The following EXOC4 variants were observed in gnomAD, a reference collection of about 807,000 sequenced individuals.
The protein encoded by EXOC4 is SEC8-like 1.
Under a neutral mutation model 107.2 loss-of-function variants are expected in EXOC4, and 71 were observed. The ratio of observed to expected loss-of-function variants is 0.66; its 90% CI spans 0.55 to 0.81. EXOC4 has a LOEUF of 0.81. Ranked by LOEUF, EXOC4 falls within the 30% of genes least tolerant of loss-of-function variation. EXOC4 has a pLI of 0.00. For missense variants in EXOC4, 1,108 were observed against 1,189.6 expected, an observed-to-expected ratio of 0.93 and a Z score of 1.01; for synonymous variants, 456 against 441.2, an observed-to-expected ratio of 1.03 and a Z score of -0.42.
At chr7:133,291,960 T>C (rs1794416526) in intron 3 of EXOC4, among the ~76,000 whole-genome samples, 2 of 152,210 alleles carry the variant, frequency 1.3e-5, no homozygotes. Flanking sequence ...GTGTTATTTG[T>C]ACCTGCACCC....
At chr7:133,943,003 T>C (rs978721023) in intron 14 of EXOC4, among the ~76,000 whole-genome samples, 7 of 152,224 alleles carry the variant, frequency 4.6e-5, no homozygotes, top group Admixed American at 3.3e-4. Flanking sequence ...CATTGCCCTA[T>C]ATATTAGCCA....
chr7:133,690,034 C>G (rs566081401), intron 10 of EXOC4, among the ~76,000 whole-genome samples: 19 of 152,224 alleles, frequency 1.2e-4, no homozygotes, highest in Admixed American at 3.9e-4. Context: ...AGTTAAAGCA[C>G]AGGGAACTTC....
intron 14 of EXOC4, among the ~76,000 whole-genome samples, chr7:133,942,636 G>A (rs765608279): frequency 1.3e-5 from 2 of 152,134 alleles, no homozygotes; most frequent in Non-Finnish European, 2.9e-5. Flanking sequence ...GATGGAGCAG[G>A]TCTTCAGAAT....
intron 9 of EXOC4, among the ~76,000 whole-genome samples, chr7:133,572,835 G>A (rs1005961806): frequency 6.6e-6 from 1 of 152,088 alleles, no homozygotes; most frequent in Non-Finnish European, 1.5e-5. Flanking sequence ...GATTTAAAAA[G>A]GCTTATGACC....
chr7:133,466,222 A>C (rs1798723863), intron 7 of EXOC4, among the ~76,000 whole-genome samples: 1 of 152,158 alleles, frequency 6.6e-6, no homozygotes, highest in African/African-American at 2.4e-5. Context: ...ATGAAATAAA[A>C]ATCAGGATAA....
intron 6 of EXOC4, 84 bp downstream of exon 6, chr7:133,356,657 TTGA>T: frequency 6.8e-7 from 1 of 1,474,892 alleles, no homozygotes; most frequent in Non-Finnish European, 9.3e-7. Context: ...TTACCTTCTG[TTGA>T]TGTTGTTTTC....
intron 11 of EXOC4, among the ~76,000 whole-genome samples, chr7:133,881,035 T>A (rs1268082379): frequency 6.6e-6 from 1 of 152,204 alleles, no homozygotes; most frequent in African/African-American, 2.4e-5. Context: ...TATATTCATC[T>A]TTTCTGAACA....
intron 12 of EXOC4, among the ~76,000 whole-genome samples, chr7:133,899,839 G>A (rs530329262): frequency 3.3e-4 from 49 of 149,102 alleles, no homozygotes; most frequent in Non-Finnish European, 6.1e-4. Context: ...TCTGCCTCCC[G>A]GGTTCAAGTG....
chr7:133,945,924 C>A (rs1225958708), intron 14 of EXOC4, among the ~76,000 whole-genome samples: 1 of 152,178 alleles, frequency 6.6e-6, no homozygotes. Flanking sequence ...TACCCAAGAT[C>A]TCTTGGGAAT....
intron 9 of EXOC4, among the ~76,000 whole-genome samples, chr7:133,581,318 T>A (rs1420605128): frequency 6.6e-6 from 1 of 152,266 alleles, no homozygotes; most frequent in East Asian, 1.9e-4. Context: ...TTATTTTAGG[T>A]CGCGGGTACA....
At chr7:133,331,109 T>C (rs1031617745) in intron 5 of EXOC4, among the ~76,000 whole-genome samples, 2 of 152,122 alleles carry the variant, frequency 1.3e-5, no homozygotes, top group South Asian at 4.1e-4. Flanking sequence ...CATTTACTTA[T>C]AAAATGCAAA....
At chr7:133,971,361 T>TATATATATATAGAGAGAG (rs1489958236) in intron 14 of EXOC4, among the ~76,000 whole-genome samples, 3 of 75,076 alleles carry the variant, frequency 4.0e-5, no homozygotes, top group Admixed American at 1.6e-4. Context: ...TATATATATA[T>TATATATATATAGAGAGAG]AGAGAGAGAG....
chr7:133,838,005 C>G (rs1797952235), intron 11 of EXOC4, among the ~76,000 whole-genome samples: 1 of 152,108 alleles, frequency 6.6e-6, no homozygotes, highest in South Asian at 2.1e-4. Flanking sequence ...AAATGGAACA[C>G]AAATAACACA....
intron 14 of EXOC4, among the ~76,000 whole-genome samples, chr7:133,982,389 A>G (rs1483379193): frequency 6.6e-6 from 1 of 152,136 alleles, no homozygotes; most frequent in East Asian, 1.9e-4. Flanking sequence ...CGTCTCTACT[A>G]AAAATACAAA....
intron 5 of EXOC4, among the ~76,000 whole-genome samples, chr7:133,321,465 T>G (rs1312060779): frequency 6.6e-6 from 1 of 152,202 alleles, no homozygotes; most frequent in Non-Finnish European, 1.5e-5. Flanking sequence ...GTTCCTCTCC[T>G]GTGTCCATAT....
Position 133,971,353 on chromosome 7 carries a change from TATATATATAGAGAGAGAG to T in EXOC4, c.2207-26137_2207-26120del, listed in dbSNP as rs1384203284. 1.9e-3 allele frequency among the ~76,000 whole-genome samples: 194 copies of T among 102,298 alleles called. 3 individuals are homozygous for T. The highest frequency in any genetic ancestry group is 7.8e-3 in the African/African-American group (186 of 23,832). 67.1% of individuals were successfully genotyped at this position (102,298 alleles called of 152,430 possible). On this transcript the variant is annotated intron_variant, in intron 14 of 17. Transcript: ENST00000253861. ...AAATGTGTATATATATATATATATA[TATATATATAGAGAGAGAG>T]AGAGAGAGAGAGAGAGAGAGAGAGA...
At chr7:133,916,148 A>G (rs989222091) in intron 12 of EXOC4, among the ~76,000 whole-genome samples, 29 of 152,258 alleles carry the variant, frequency 1.9e-4, no homozygotes, top group African/African-American at 7.0e-4. Flanking sequence ...ATAAGACATT[A>G]GTTAGTTTCT....
chr7:133,356,480 A>T lies in EXOC4; in HGVS notation c.914A>T (p.Gln305Leu), dbSNP rs1796022568. 6.2e-7 allele frequency: 1 copy of T among 1,614,072 alleles called. No homozygotes were observed. Among genetic ancestry groups the T allele is most frequent in the African/African-American group, 1.3e-5 (1 of 74,948 alleles). ...AAGGCAATCATAGAGCGCTTGGAGCAGGAGTTGAAGCAAATTGTGAAGAGG... is the reference window on the plus strand; with the variant it reads ...AAGGCAATCATAGAGCGCTTGGAGCTGGAGTTGAAGCAAATTGTGAAGAGG... ...TVKAIIERLE[Q>L]ELKQIVKRST... Residue 305 changes from glutamine to leucine, a missense_variant, in exon 6 of 18, where the codon CAG (glutamine) becomes CTG (leucine). Gln to Leu is a moderately radical substitution (Grantham distance 113). Transcript: ENST00000253861.
intron 10 of EXOC4, chr7:133,768,149 C>G (rs1031737815): frequency 6.6e-6 from 1 of 151,940 alleles, no homozygotes; most frequent in African/African-American, 2.4e-5. Flanking sequence ...CTAAGAAACC[C>G]TGGTAGGAAA....
Sources: gnomAD v4.1 joint callset for allele counts (sites outside exome capture counted in the v4.1 genomes callset) on GRCh38, gnomAD v4.1.1 for gene constraint, MANE v1.5 for transcripts, NCBI Gene and HGNC (gene_info 2026-07-23, HGNC 2026-07-21) for gene names.